The following GTF2IRD1 variants were observed in gnomAD, a reference collection of about 807,000 sequenced individuals.
The protein encoded by GTF2IRD1 is general transcription factor II-I repeat domain-containing protein 1.
GTF2IRD1 carries 26 observed loss-of-function variants against 113.2 expected under a neutral mutation model. The ratio of observed to expected loss-of-function variants is 0.23; its 90% confidence interval spans 0.17 to 0.32. The LOEUF is 0.32. Among genes scored for constraint, GTF2IRD1 ranks in the 10% least tolerant of loss-of-function variants. GTF2IRD1 has a pLI of 1.00. For missense variants in GTF2IRD1, 864 were observed against 1,280.8 expected, an observed-to-expected ratio of 0.67 and a Z score of 4.97; for synonymous variants, 484 against 529.1, an observed-to-expected ratio of 0.91 and a Z score of 1.17.
Position 74,453,996 on chromosome 7 carries a change from C to CCCCCGCGCCCCCT in GTF2IRD1, c.-177_-165dup, listed in dbSNP as rs1478706822. 1 of 148,946 alleles carries CCCCCGCGCCCCCT rather than the reference C, an allele frequency of 6.7e-6. No individual in the cohort carries two copies. The highest frequency in any genetic ancestry group is 2.5e-5 in the African/African-American group (1 of 40,730). 9.2% of individuals were successfully genotyped at this position (148,946 alleles called of 1,614,324 possible). On this transcript the variant is annotated 5_prime_UTR_variant, in exon 1 of 27. Coordinates refer to ENST00000424337, the MANE Select transcript of GTF2IRD1 (RefSeq NM_005685.4). Reference sequence around the variant, plus strand: ...CCAGCCCCCCGGCCGGCCGATTCCCCCCCCGCGCCCCCTCCCCGCGCCTCC... The same window carrying CCCCCGCGCCCCCT: ...CCAGCCCCCCGGCCGGCCGATTCCCCCCCCGCGCCCCCTCCCCGCGCCCCCTCCCCGCGCCTCC...
intron 20 of GTF2IRD1, among the ~76,000 whole-genome samples, chr7:74,558,347 CTTTTTTTTTTTTT>C (rs1193682168): frequency 1.7e-4 from 10 of 60,458 alleles, no homozygotes; most frequent in East Asian, 6.1e-4. Flanking sequence ...TCTTTCGTTT[CTTTTTTTTTTTTT>C]TTTTTTTTTT....
At chr7:74,489,938 T>G (rs1795239009) in intron 1 of GTF2IRD1, among the ~76,000 whole-genome samples, 1 of 152,048 alleles carries the variant, frequency 6.6e-6, no homozygotes, top group Non-Finnish European at 1.5e-5. Flanking sequence ...AGGACAGCTT[T>G]TGGGGTCAGA....
At chr7:74,601,665 C>T (rs1415977598) in intron 26 of GTF2IRD1, 9 of 292,216 alleles carry the variant, frequency 3.1e-5, no homozygotes, top group Admixed American at 4.5e-5. Flanking sequence ...GCCTGTAATC[C>T]CAGCTACTTG....
chr7:74,586,231 T>C (rs1801709072), intron 22 of GTF2IRD1, among the ~76,000 whole-genome samples: 1 of 152,196 alleles, frequency 6.6e-6, no homozygotes, highest in East Asian at 1.9e-4. Context: ...CTCTAGGAGC[T>C]GGTCCTTGGG....
intron 9 of GTF2IRD1, among the ~76,000 whole-genome samples, chr7:74,531,295 C>T (rs959128621): frequency 2.0e-5 from 3 of 152,092 alleles, no homozygotes; most frequent in South Asian, 4.1e-4. Context: ...GGCTTGAATT[C>T]GGGCGACAGA....
chr7:74,491,864 A>G (rs1795366118), intron 1 of GTF2IRD1, among the ~76,000 whole-genome samples: 1 of 152,152 alleles, frequency 6.6e-6, no homozygotes, highest in Non-Finnish European at 1.5e-5. Context: ...TGCCGGGTCC[A>G]ATGGTATTTC....
At chr7:74,493,110 CTTTT>C (rs60137731) in intron 1 of GTF2IRD1, among the ~76,000 whole-genome samples, 2 of 134,250 alleles carry the variant, frequency 1.5e-5, no homozygotes, top group Non-Finnish European at 1.6e-5. Context: ...TCTTCTTCTT[CTTTT>C]TTTTTTTTTT....
At chr7:74,561,904 G>A (rs1271402981) in intron 22 of GTF2IRD1, among the ~76,000 whole-genome samples, 10 of 152,186 alleles carry the variant, frequency 6.6e-5, no homozygotes, top group Non-Finnish European at 1.5e-5. Flanking sequence ...CTCGGTGTGA[G>A]TGATGTGTTA....
intron 12 of GTF2IRD1, 57 bp from the exon 13 acceptor site, chr7:74,538,623 C>A: frequency 1.0e-6 from 1 of 983,126 alleles, no homozygotes; most frequent in Non-Finnish European, 1.7e-6. Context: ...GAAAGAGTCA[C>A]TCTGCCCAGT....
intron 7 of GTF2IRD1, among the ~76,000 whole-genome samples, chr7:74,523,682 C>T (rs1365574447): frequency 2.6e-5 from 4 of 151,982 alleles, no homozygotes; most frequent in African/African-American, 2.4e-5. Flanking sequence ...GACCACGCCA[C>T]TGCACTCCAG....
chr7:74,496,558 G>A (rs1795731401), intron 1 of GTF2IRD1, among the ~76,000 whole-genome samples: 1 of 145,972 alleles, frequency 6.9e-6, no homozygotes, highest in African/African-American at 2.5e-5. Context: ...TGCGTTTGGG[G>A]GGTGTACATG....
intron 25 of GTF2IRD1, among the ~76,000 whole-genome samples, chr7:74,595,724 G>C (rs1802372439): frequency 6.6e-6 from 1 of 152,170 alleles, no homozygotes; most frequent in Non-Finnish European, 1.5e-5. Context: ...CCCTGCAGAG[G>C]GGAGGCCTTG....
At chr7:74,483,047 G>A (rs1794830979) in intron 1 of GTF2IRD1, among the ~76,000 whole-genome samples, 1 of 152,220 alleles carries the variant, frequency 6.6e-6, no homozygotes, top group Non-Finnish European at 1.5e-5. Flanking sequence ...GCCCACAGGA[G>A]AGCAAGTTGT....
intron 1 of GTF2IRD1, among the ~76,000 whole-genome samples, chr7:74,469,095 A>G (rs1391692967): frequency 6.6e-6 from 1 of 151,922 alleles, no homozygotes; most frequent in East Asian, 1.9e-4. Flanking sequence ...AAAAAAAAAA[A>G]AAATATGGAA....
chr7:74,524,000 G>T, intron 7 of GTF2IRD1, 71 bp from the exon 8 acceptor site: 1 of 1,091,158 alleles, frequency 9.2e-7, no homozygotes, highest in Non-Finnish European at 1.4e-6. Context: ...AAGCCCGGTG[G>T]TCATGGCCGG....
intron 1 of GTF2IRD1, among the ~76,000 whole-genome samples, chr7:74,504,893 A>G (rs1241611931): frequency 1.3e-5 from 2 of 151,632 alleles, no homozygotes; most frequent in Non-Finnish European, 2.9e-5. Context: ...TTTTTAGTAG[A>G]GACGGGGTTT....
intron 24 of GTF2IRD1, among the ~76,000 whole-genome samples, chr7:74,592,407 C>T (rs1170209155): frequency 6.6e-6 from 1 of 151,314 alleles, no homozygotes. Flanking sequence ...ACCCAGCCCC[C>T]CCTTTTTTTT....
At chr7:74,518,373 G>GTCAGGGCCGGA in intron 5 of GTF2IRD1, 51 bp downstream of exon 5, 1 of 1,452,218 alleles carries the variant, frequency 6.9e-7, no homozygotes, top group Non-Finnish European at 9.3e-7. Flanking sequence ...CCAGGGCCGG[G>GTCAGGGCCGGA]TCAGGGCCGG....
intron 22 of GTF2IRD1, among the ~76,000 whole-genome samples, chr7:74,579,446 C>T (rs781861944): frequency 6.6e-5 from 10 of 152,164 alleles, no homozygotes; most frequent in African/African-American, 1.9e-4. Flanking sequence ...GATGAAACCC[C>T]GTCTCTACTA....
Sources: gnomAD v4.1 joint callset for allele counts (sites outside exome capture counted in the v4.1 genomes callset) on GRCh38, gnomAD v4.1.1 for gene constraint, MANE v1.5 for transcripts, NCBI Gene and HGNC (gene_info 2026-07-23, HGNC 2026-07-21) for gene names.